The following DRICH1 variants were observed in gnomAD, a reference collection of about 807,000 sequenced individuals.
DRICH1 encodes aspartate-rich protein 1.
A neutral mutation model predicts 39.5 loss-of-function variants in DRICH1; 38 were observed. The observed-to-expected ratio is 0.96, with a 90% CI of 0.74 to 1.26. The LOEUF is 1.26. Ranked by LOEUF, DRICH1 falls within the 50% of genes most tolerant of loss-of-function variation. The probability of loss-of-function intolerance (pLI) is 0.00; values close to 1 mark genes in which losing one functional copy is unlikely to be tolerated. For synonymous variants in DRICH1, 84 were observed against 99.5 expected, an observed-to-expected ratio of 0.84 and a Z score of 0.93; for missense variants, 279 against 270.4, an observed-to-expected ratio of 1.03 and a Z score of -0.22.
downstream of DRICH1, among the ~76,000 whole-genome samples, chr22:23,606,065 T>G (rs114199143): frequency 0.015 from 2,232 of 151,962 alleles, 53 homozygotes; most frequent in African/African-American, 0.051. Flanking sequence ...AAAAAAATTT[T>G]TTTTTTTGAG....
chr22:23,603,369 C>G, the DRICH1 span, among the ~76,000 whole-genome samples: 1 of 151,872 alleles, frequency 6.6e-6, no homozygotes, highest in East Asian at 1.9e-4. Context: ...TAAACCTGTG[C>G]CTCCTCCAGG....
At chr22:23,617,506 G>A in intron 7 of DRICH1, 69 bp downstream of exon 7, 2 of 1,548,812 alleles carry the variant, frequency 1.3e-6, no homozygotes, top group Non-Finnish European at 1.8e-6. Context: ...TTTGGGATTG[G>A]ATTGGTGAGT....
At chr22:23,624,582 A>G (rs939234011) in intron 3 of DRICH1, among the ~76,000 whole-genome samples, 3 of 152,116 alleles carry the variant, frequency 2.0e-5, no homozygotes, top group African/African-American at 7.2e-5. Flanking sequence ...CTTCCCCACT[A>G]AAGTTCTCCA....
chr22:23,626,905 C>G (rs1928096826), intron 1 of DRICH1, among the ~76,000 whole-genome samples: 1 of 152,146 alleles, frequency 6.6e-6, no homozygotes, highest in Non-Finnish European at 1.5e-5. Context: ...CCTGAGATTC[C>G]CACTTTGATG....
At chr22:23,631,119 T>C (rs1278305634) in intron 1 of DRICH1, among the ~76,000 whole-genome samples, 3 of 151,768 alleles carry the variant, frequency 2.0e-5, no homozygotes, top group Non-Finnish European at 4.4e-5. Flanking sequence ...CCTCGGAACT[T>C]AAAAAAAATT....
chr22:23,626,058 C>T lies in DRICH1; in HGVS notation c.209-10G>A. 6.2e-7 allele frequency: 1 copy of T among 1,607,854 alleles called. No individual in the cohort carries two copies. Among genetic ancestry groups the T allele is most frequent in the Non-Finnish European group, 8.5e-7 (1 of 1,174,900 alleles). On this transcript the variant is annotated splice_polypyrimidine_tract_variant and intron_variant, in intron 1 of 11. Transcript: ENST00000317749. ...CGGTCCTCAGGGGGACCTAAAAGGACACAGAGTTAATGTCAGTGCCCTGGT... is the reference window on the plus strand; with the variant it reads ...CGGTCCTCAGGGGGACCTAAAAGGATACAGAGTTAATGTCAGTGCCCTGGT...
chr22:23,616,921 C>T, intron 7 of DRICH1, 47 bp from the exon 8 acceptor site: 1 of 1,604,318 alleles, frequency 6.2e-7, no homozygotes, highest in East Asian at 2.2e-5. Flanking sequence ...ATCAATTCTG[C>T]CACACCCCTT....
At chr22:23,611,805 G>A (rs542151410) in intron 11 of DRICH1, among the ~76,000 whole-genome samples, 25 of 152,268 alleles carry the variant, frequency 1.6e-4, no homozygotes, top group African/African-American at 5.5e-4. Flanking sequence ...CATTACTTAC[G>A]TGTCTGTGGT....
the DRICH1 span, among the ~76,000 whole-genome samples, chr22:23,595,336 T>C: frequency 6.7e-6 from 1 of 148,990 alleles, no homozygotes; most frequent in African/African-American, 2.5e-5. Context: ...GTGTGAGGAG[T>C]GCAGCTCTAA....
chr22:23,604,891 T>A (rs902795034), downstream of DRICH1, among the ~76,000 whole-genome samples: 1 of 152,214 alleles, frequency 6.6e-6, no homozygotes, highest in African/African-American at 2.4e-5. Flanking sequence ...CTCTCAGAGT[T>A]GACATTTGGA....
chr22:23,616,949 T>G, intron 7 of DRICH1, 75 bp from the exon 8 acceptor site: 1 of 1,535,816 alleles, frequency 6.5e-7, no homozygotes, highest in Non-Finnish European at 9.0e-7. Context: ...TCTGTTAGTC[T>G]CTTGATGACT....
chr22:23,616,765 T>C (rs1927373089), intron 8 of DRICH1, 88 bp downstream of exon 8: 10 of 1,542,400 alleles, frequency 6.5e-6, no homozygotes, highest in Non-Finnish European at 8.1e-6. Context: ...ACCCCCAATA[T>C]TTTTTAACAG....
At chr22:23,601,152 A>G in the DRICH1 span, among the ~76,000 whole-genome samples, 32 of 151,484 alleles carry the variant, frequency 2.1e-4, no homozygotes, top group Admixed American at 4.6e-4. Flanking sequence ...GCGCGCACAC[A>G]CACACACACA....
At chr22:23,617,422 G>A (rs1486768002) in intron 7 of DRICH1, among the ~76,000 whole-genome samples, 153 bp downstream of exon 7, 2 of 152,132 alleles carry the variant, frequency 1.3e-5, no homozygotes, top group African/African-American at 4.8e-5. Flanking sequence ...GCTTGGATTG[G>A]CAATGCCTGC....
chr22:23,623,277 T>C (rs761696583), intron 3 of DRICH1, among the ~76,000 whole-genome samples: 1 of 152,094 alleles, frequency 6.6e-6, no homozygotes, highest in African/African-American at 2.4e-5. Flanking sequence ...TGGTGGCACA[T>C]GACTGTAGTC....
intron 2 of DRICH1, 62 bp from the exon 3 acceptor site, chr22:23,624,966 A>G (rs753307635): frequency 6.4e-7 from 1 of 1,555,498 alleles, no homozygotes; most frequent in South Asian, 1.1e-5. Context: ...CCCCCTACAC[A>G]GATCAGTTAT....
At chr22:23,621,941 G>A (rs1406455713) in intron 4 of DRICH1, 150 bp downstream of exon 4, 1 of 773,128 alleles carries the variant, frequency 1.3e-6, no homozygotes, top group Non-Finnish European at 2.1e-6. Context: ...AAAAAGAAAA[G>A]AAAAGAAAAA....
At chr22:23,619,119 G>A (rs533029036) in intron 6 of DRICH1, among the ~76,000 whole-genome samples, 2 of 143,828 alleles carry the variant, frequency 1.4e-5, no homozygotes, top group Non-Finnish European at 3.0e-5. Context: ...TGGCAGTGAG[G>A]AGAGATCACA....
chr22:23,586,654 C>A, the DRICH1 span, among the ~76,000 whole-genome samples: 1 of 152,200 alleles, frequency 6.6e-6, no homozygotes, highest in Non-Finnish European at 1.5e-5. Flanking sequence ...AGTGGTTCTC[C>A]TGCCTCAGCC....
Sources: gnomAD v4.1 joint callset for allele counts (sites outside exome capture counted in the v4.1 genomes callset) on GRCh38, gnomAD v4.1.1 for gene constraint, MANE v1.5 for transcripts, NCBI Gene and HGNC (gene_info 2026-07-23, HGNC 2026-07-21) for gene names.